Variants in TRIM55 observed in about 807,000 individuals in gnomAD.
TRIM55 encodes the protein tripartite motif-containing protein 55.
In TRIM55, 50 loss-of-function variants were observed where a neutral mutation model predicts 60.9. The observed-to-expected ratio is 0.82, with a 90% confidence interval of 0.65 to 1.04. The LOEUF is 1.04. Among genes scored for constraint, TRIM55 ranks in the 50% least tolerant of loss-of-function variants. The pLI is 0.00. For missense variants in TRIM55, 681 were observed against 666.9 expected (o/e 1.02, Z -0.23); for synonymous variants, 237 against 238.1 (o/e 1.00, Z 0.04).
chr8:66,170,499 C>T (rs1307798681), intron 9 of TRIM55, among the ~76,000 whole-genome samples: 5 of 152,290 alleles, frequency 3.3e-5, no homozygotes, highest in Middle Eastern at 3.4e-3. Flanking sequence ...TGTTTATCTG[C>T]TTCTCCAAGG....
At chr8:66,124,176 G>C (rs192860356), upstream of TRIM55, among the ~76,000 whole-genome samples, 1 of 152,058 alleles carries the variant, frequency 6.6e-6, no homozygotes, top group African/African-American at 2.4e-5. Flanking sequence ...CCAGGGCTTC[G>C]CGACCTCTCA....
At chr8:66,119,621 C>T in the TRIM55 span, among the ~76,000 whole-genome samples, 7 of 152,238 alleles carry the variant, frequency 4.6e-5, no homozygotes, top group Non-Finnish European at 1.0e-4. Flanking sequence ...AGAATCAGTG[C>T]TGCTCTTCTG....
intron 9 of TRIM55, among the ~76,000 whole-genome samples, chr8:66,169,073 G>C (rs558231237): frequency 4.6e-5 from 7 of 152,278 alleles, no homozygotes; most frequent in Admixed American, 2.0e-4. Flanking sequence ...GGGAAACTTA[G>C]AGACTCAAAG....
chr8:66,136,281 T>A (rs1022704536), intron 3 of TRIM55, among the ~76,000 whole-genome samples: 2 of 152,214 alleles, frequency 1.3e-5, no homozygotes, highest in African/African-American at 4.8e-5. Flanking sequence ...CCCTCACCCT[T>A]GCTCCTGTTT....
chr8:66,155,904 G>A (rs542714365), intron 9 of TRIM55, among the ~76,000 whole-genome samples: 1 of 152,304 alleles, frequency 6.6e-6, no homozygotes, highest in Non-Finnish European at 1.5e-5. Flanking sequence ...TTTCTGAGGA[G>A]AATTGCTCCA....
chr8:66,127,172 A>G lies in TRIM55; in HGVS notation c.-97A>G. ...CTCCACCGAGAGAAACGTAAAGGACACTTGATCACACAATCCCTGGAATAA... is the reference window on the plus strand; with the variant it reads ...CTCCACCGAGAGAAACGTAAAGGACGCTTGATCACACAATCCCTGGAATAA... On this transcript the variant is annotated 5_prime_UTR_variant, in exon 1 of 10. Transcript: ENST00000315962. The G allele has an allele frequency of 7.5e-7, 1 of 1,324,792 alleles. No individual in the cohort carries two copies. The highest frequency in any genetic ancestry group is 1.0e-6 in the Non-Finnish European group (1 of 961,366). The allele number at this position is 1,324,792 out of a possible 1,614,324, so 82.1% of individuals were successfully genotyped here. A position where few individuals can be genotyped will look rare whatever the true frequency, so the allele number is the denominator to read the frequency against.
chr8:66,127,570 T>A, intron 1 of TRIM55, 134 bp downstream of exon 1: 1 of 1,008,762 alleles, frequency 9.9e-7, no homozygotes, highest in Non-Finnish European at 1.5e-6. Flanking sequence ...CTCACGCCTG[T>A]AGTCCCAGCA....
chr8:66,116,582 G>A, the TRIM55 span, among the ~76,000 whole-genome samples: 1 of 83,730 alleles, frequency 1.2e-5, no homozygotes, highest in Admixed American at 1.3e-4. Flanking sequence ...ACTCTAGCTT[G>A]GGCGACAGAG....
In TRIM55 at chr8:66,150,442, A is replaced by G. The variant is rs1810350725; in HGVS notation, c.961A>G (p.Ile321Val). The change falls in exon 7 of 10, where the codon ATA (isoleucine) becomes GTA (valine). Residue 321 changes from isoleucine (I) to valine (V), a missense_variant. Coordinates refer to ENST00000315962, the MANE Select transcript of TRIM55 (RefSeq NM_184085.2). ...TVNLNREEKI[I>V]REIDFYREDE... is the part of the protein sequence containing the mutation. ...CAACCTCAATAGAGAAGAAAAGATA[A>G]TACGTGAAATTGACTTTTACAGAGG... The G allele has an allele frequency of 6.2e-7, 1 of 1,614,172 alleles. No homozygotes were observed. The highest frequency in any genetic ancestry group is 1.1e-5 in the South Asian group (1 of 91,080).
At chr8:66,121,081 G>C in the TRIM55 span, among the ~76,000 whole-genome samples, 2 of 152,204 alleles carry the variant, frequency 1.3e-5, no homozygotes, top group African/African-American at 4.8e-5. Context: ...GCAGCTACAG[G>C]TTGAAAGAGG....
At chr8:66,156,537 TCA>T (rs1563385914) in intron 9 of TRIM55, among the ~76,000 whole-genome samples, 1 of 152,160 alleles carries the variant, frequency 6.6e-6, no homozygotes, top group African/African-American at 2.4e-5. Flanking sequence ...TTGAAAGTTC[TCA>T]GTTTAATTAA....
chr8:66,166,669 G>A (rs975351570), intron 9 of TRIM55, among the ~76,000 whole-genome samples: 2 of 152,226 alleles, frequency 1.3e-5, no homozygotes, highest in Non-Finnish European at 2.9e-5. Flanking sequence ...GCCCACTAGA[G>A]TAGGAACTGT....
Position 66,135,107 on chromosome 8 carries a change from CAA to C in TRIM55, c.461_462del (p.Lys154ArgfsTer17). On this transcript the variant is annotated frameshift_variant, in exon 3 of 10. Transcript: ENST00000315962. LOFTEE classifies it high-confidence loss of function. ...CSLCKVFGAH[K>X]DCQVAPLTHV... ...CTCTGTGCAAGGTGTTTGGTGCACA[CAA>C]AGACTGCCAGGTGGCTCCCCTCACT... is the stretch of plus-strand genomic sequence containing the variant. The C allele has an allele frequency of 6.2e-7, 1 of 1,614,184 alleles. No individual in the cohort carries two copies. The highest frequency in any genetic ancestry group is 8.5e-7 in the Non-Finnish European group (1 of 1,180,030).
In TRIM55 at chr8:66,147,814, A is replaced by C. The variant is rs1322411734; in HGVS notation, c.604-1831A>C. ...CATCTCAAAAAAAAAAAAAAAAAAA[A>C]AAACCACAAAATCTATTCAACAGAT... On this transcript the variant is annotated intron_variant, in intron 4 of 9. Coordinates refer to ENST00000315962, the MANE Select transcript of TRIM55 (RefSeq NM_184085.2). Among the ~76,000 whole-genome samples, 8 of 116,638 alleles carry C rather than the reference A, an allele frequency of 6.9e-5. No homozygotes were observed. The East Asian group carries it at 1.4e-3, about 20-fold the overall frequency. The allele number at this position is 116,638 out of a possible 152,430, so 76.5% of individuals were successfully genotyped here. A position where few individuals can be genotyped will look rare whatever the true frequency, so the allele number is the denominator to read the frequency against.
At chr8:66,133,595 C>T (rs1408801766) in intron 2 of TRIM55, among the ~76,000 whole-genome samples, 1 of 152,180 alleles carries the variant, frequency 6.6e-6, no homozygotes, top group Non-Finnish European at 1.5e-5. Context: ...GACAGAAATT[C>T]CTTTTGCAAC....
intron 2 of TRIM55, among the ~76,000 whole-genome samples, chr8:66,133,743 A>T (rs10109602): frequency 1.3e-5 from 2 of 152,246 alleles, no homozygotes; most frequent in African/African-American, 4.8e-5. Context: ...CGTCTTACAG[A>T]GGCACATCAG....
intron 2 of TRIM55, among the ~76,000 whole-genome samples, chr8:66,129,437 C>T (rs530190289): frequency 7.9e-5 from 12 of 152,276 alleles, no homozygotes; most frequent in Non-Finnish European, 1.6e-4. Flanking sequence ...GAGGCTTGTG[C>T]TCTTGGAAGG....
chr8:66,152,677 A>T (rs1169832973), intron 8 of TRIM55, 50 bp downstream of exon 8: 2 of 1,579,830 alleles, frequency 1.3e-6, no homozygotes, highest in Non-Finnish European at 1.7e-6. Context: ...GTGTCTCCTT[A>T]TGGAATAGCC....
At chr8:66,120,069 G>A in the TRIM55 span, among the ~76,000 whole-genome samples, 40 of 152,264 alleles carry the variant, frequency 2.6e-4, no homozygotes, top group Non-Finnish European at 4.9e-4. Flanking sequence ...CAGCAGCCAC[G>A]TGACTCAGGG....
Sources: allele counts gnomAD v4.1 joint callset (sites outside exome capture counted in the v4.1 genomes callset), GRCh38; gene constraint gnomAD v4.1.1; transcripts MANE v1.5; gene names NCBI Gene and HGNC (gene_info 2026-07-23, HGNC 2026-07-21).